TCF12: variants seen among roughly 807,000 people sequenced by gnomAD.
The protein encoded by TCF12 is transcription factor 12.
TCF12 carries 45 observed loss-of-function variants against 86.0 expected under a neutral mutation model. That is an observed-to-expected ratio of 0.52 (90% CI 0.41 to 0.67). The LOEUF is 0.67. Ranked by LOEUF, TCF12 falls within the 30% of genes least tolerant of loss-of-function variation. The pLI, the probability that TCF12 is intolerant of heterozygous loss-of-function variation, is 0.00. For synonymous variants in TCF12, 330 were observed against 299.6 expected (o/e 1.10, Z -1.05); for missense variants, 881 against 859.9 (o/e 1.02, Z -0.31).
chr15:56,922,288 T>G (rs1199484083), intron 3 of TCF12, among the ~76,000 whole-genome samples: 2 of 152,022 alleles, frequency 1.3e-5, no homozygotes, highest in African/African-American at 4.8e-5. Context: ...TAGTATTTTT[T>G]AAAAATGAGT....
At chr15:57,114,573 C>A (rs1157510794) in intron 5 of TCF12, among the ~76,000 whole-genome samples, 1 of 152,134 alleles carries the variant, frequency 6.6e-6, no homozygotes, top group South Asian at 2.1e-4. Flanking sequence ...GCTGGGATTA[C>A]AGGTGTGAGC....
intron 6 of TCF12, among the ~76,000 whole-genome samples, chr15:57,177,317 T>G (rs1297858879): frequency 1.4e-5 from 2 of 147,362 alleles, no homozygotes; most frequent in African/African-American, 5.0e-5. Flanking sequence ...TCACCCAGGC[T>G]GGAGTACAAT....
chr15:57,076,734 T>G (rs1366072436), intron 4 of TCF12, among the ~76,000 whole-genome samples: 1 of 152,208 alleles, frequency 6.6e-6, no homozygotes, highest in Non-Finnish European at 1.5e-5. Flanking sequence ...GAAATGTAGT[T>G]TGACTGCTAG....
intron 3 of TCF12, among the ~76,000 whole-genome samples, chr15:56,971,710 A>G (rs57813422): frequency 0.049 from 7,446 of 152,272 alleles, 375 homozygotes; most frequent in African/African-American, 0.13. Flanking sequence ...AATTTAAAAC[A>G]TATGAATTGT....
At chr15:57,076,858 AT>A (rs554043967) in intron 4 of TCF12, among the ~76,000 whole-genome samples, 1 of 151,184 alleles carries the variant, frequency 6.6e-6, no homozygotes, top group Non-Finnish European at 1.5e-5. Flanking sequence ...GTCAACGTTA[AT>A]TTTTTTTTCA....
chr15:57,101,959 CA>C lies in TCF12; in HGVS notation c.325+10071del, dbSNP rs1374512663. On this transcript the variant is annotated intron_variant, in intron 5 of 20. Transcript: ENST00000333725. ...GTATTAGGGATTAGCAAACTACACA[CA>C]AAGAGCCAGATAGTAAATAGTCTAA... Among the ~76,000 whole-genome samples, 14 of 152,278 alleles carry C rather than the reference CA, an allele frequency of 9.2e-5. No homozygotes were observed. The Middle Eastern group carries it at 0.01, about 111-fold the overall frequency.
At chr15:57,006,777 G>A (rs571436940) in intron 3 of TCF12, among the ~76,000 whole-genome samples, 1 of 151,816 alleles carries the variant, frequency 6.6e-6, no homozygotes, top group Non-Finnish European at 1.5e-5. Flanking sequence ...ATGAGCGAGT[G>A]TGGTGGCATG....
At chr15:57,116,673 A>C (rs1047068595) in intron 5 of TCF12, among the ~76,000 whole-genome samples, 1 of 152,166 alleles carries the variant, frequency 6.6e-6, no homozygotes, top group Non-Finnish European at 1.5e-5. Context: ...AGTATTTTCT[A>C]AGTCCAGATT....
At position 56,995,200 on chromosome 15, in the gene TCF12, A is replaced by G. The variant is rs552202864; in HGVS notation, c.149-68550A>G. Among the ~76,000 whole-genome samples, 267 of 123,310 alleles carry G rather than the reference A, an allele frequency of 2.2e-3. 2 individuals carry two copies. Among genetic ancestry groups the G allele is most frequent in the African/African-American group, 7.6e-3 (249 of 32,966 alleles). 80.9% of individuals were successfully genotyped at this position (123,310 alleles called of 152,430 possible). A position where few individuals can be genotyped will look rare whatever the true frequency, so the allele number is the denominator to read the frequency against. ...TGTTTTGGTTACTGTAGCCTTGTAC[A>G]GTTTGAAGTCAGGTAATGTGATACC... On this transcript the variant is annotated intron_variant, in intron 3 of 20. Transcript: ENST00000333725.
At chr15:57,046,736 G>A (rs7169053) in intron 3 of TCF12, among the ~76,000 whole-genome samples, 37,536 of 152,072 alleles carry the variant, frequency 0.25, 5,464 homozygotes, top group East Asian at 0.4. Flanking sequence ...GATTACAGGC[G>A]TGAGCCACCA....
In TCF12 at chr15:56,919,874, C is replaced by A; in HGVS notation, c.-22-18C>A. ...GGGCCTCGGTGGTCTCTCGCTGAGC[C>A]CGTTTCCTCTGCCCTAGGACCTGCT... On this transcript the variant is annotated intron_variant, in intron 1 of 20. Transcript: ENST00000333725. 6.2e-7 allele frequency: 1 copy of A among 1,610,954 alleles called. No individual in the cohort carries two copies. The highest frequency in any genetic ancestry group is 8.5e-7 in the Non-Finnish European group (1 of 1,177,744).
At chr15:57,252,192 C>T in intron 14 of TCF12, 1 of 409,748 alleles carries the variant, frequency 2.4e-6, no homozygotes. Flanking sequence ...ACGTTTGCTT[C>T]TCATATATTT....
chr15:57,066,056 A>C (rs1240354193), intron 4 of TCF12, among the ~76,000 whole-genome samples: 1 of 152,132 alleles, frequency 6.6e-6, no homozygotes, highest in Non-Finnish European at 1.5e-5. Flanking sequence ...GATAGTTAAG[A>C]AGTTTTTCGT....
At chr15:57,034,347 C>A (rs374128868) in intron 3 of TCF12, among the ~76,000 whole-genome samples, 31 of 152,198 alleles carry the variant, frequency 2.0e-4, no homozygotes, top group African/African-American at 7.2e-4. Context: ...CGCTTGACCA[C>A]TTCTGGGTGG....
At chr15:57,152,822 G>T (rs1435317023) in intron 5 of TCF12, among the ~76,000 whole-genome samples, 1 of 151,654 alleles carries the variant, frequency 6.6e-6, no homozygotes, top group Non-Finnish European at 1.5e-5. Context: ...TCAAACCATA[G>T]ATGCAAGACT....
chr15:57,056,159 A>C (rs1297174503), intron 3 of TCF12, among the ~76,000 whole-genome samples: 1 of 116,012 alleles, frequency 8.6e-6, no homozygotes, highest in Non-Finnish European at 1.7e-5. Context: ...GTGTGTTTTG[A>C]GACAGAGTTT....
chr15:57,025,428 T>A (rs1319451114), intron 3 of TCF12, among the ~76,000 whole-genome samples: 5 of 152,150 alleles, frequency 3.3e-5, no homozygotes, highest in African/African-American at 1.2e-4. Context: ...TTTGGGGCAC[T>A]CCTGCTTGCG....
chr15:57,254,741 C>T (rs930253700), intron 16 of TCF12, among the ~76,000 whole-genome samples: 1 of 151,120 alleles, frequency 6.6e-6, no homozygotes, highest in Admixed American at 6.6e-5. Context: ...GCCTGTGGTC[C>T]CAGCTACATG....
Position 57,282,713 on chromosome 15 carries a change from A to T in TCF12, c.*11+115A>T, listed in dbSNP as rs569827560. The T allele has an allele frequency of 2.4e-6, 3 of 1,234,614 alleles. No individual in the cohort carries two copies. The South Asian group carries it at 4.4e-5, about 18-fold the overall frequency. 76.5% of individuals were successfully genotyped at this position (1,234,614 alleles called of 1,614,324 possible). A position where few individuals can be genotyped will look rare whatever the true frequency, so the allele number is the denominator to read the frequency against. ...GAGCAGTGGCCATTGTAAAGGTCAC[A>T]TGTAATTTGAAATATAACAGTTTGT... On this transcript the variant is annotated intron_variant, in intron 20 of 20. Transcript: ENST00000333725.
Sources: gnomAD v4.1 joint callset for allele counts (sites outside exome capture counted in the v4.1 genomes callset) on GRCh38, gnomAD v4.1.1 for gene constraint, MANE v1.5 for transcripts, NCBI Gene and HGNC (gene_info 2026-07-23, HGNC 2026-07-21) for gene names.